The following ADCY3 variants were observed in gnomAD, a reference collection of about 807,000 sequenced individuals.
ADCY3 encodes adenylate cyclase type 3.
Under a neutral mutation model 119.4 loss-of-function variants are expected in ADCY3, and 70 were observed. That is an observed-to-expected ratio of 0.59 (90% CI 0.48 to 0.72). The LOEUF (loss-of-function observed/expected upper bound fraction) is 0.72. Ranked by LOEUF, ADCY3 falls within the 30% of genes least tolerant of loss-of-function variation. ADCY3 has a pLI of 0.00. For synonymous variants in ADCY3, 672 were observed against 621.4 expected, an observed-to-expected ratio of 1.08 and a Z score of -1.21; for missense variants, 1,238 against 1,541.6, an observed-to-expected ratio of 0.80 and a Z score of 3.30.
intron 3 of ADCY3, among the ~76,000 whole-genome samples, chr2:24,846,878 C>T (rs189650886): frequency 4.9e-4 from 75 of 152,222 alleles, no homozygotes; most frequent in African/African-American, 1.7e-3. Context: ...CATGTCTGGC[C>T]GCTTGCTTTT....
chr2:24,827,299 C>T (rs1668758022), intron 15 of ADCY3, among the ~76,000 whole-genome samples: 1 of 152,222 alleles, frequency 6.6e-6, no homozygotes, highest in South Asian at 2.1e-4. Flanking sequence ...CCTCCCTCCT[C>T]ATTTTCCTGC....
At chr2:24,913,644 T>C (rs1409276026) in intron 2 of ADCY3, among the ~76,000 whole-genome samples, 1 of 152,178 alleles carries the variant, frequency 6.6e-6, no homozygotes, top group Non-Finnish European at 1.5e-5. Flanking sequence ...ATGCAACAGC[T>C]ACCTGCCGTC....
At chr2:24,820,506 A>G in intron 21 of ADCY3, 2 of 1,411,338 alleles carry the variant, frequency 1.4e-6, no homozygotes, top group Middle Eastern at 2.5e-4. Flanking sequence ...GGCCATATGC[A>G]TCTAGAACTT....
intron 3 of ADCY3, among the ~76,000 whole-genome samples, chr2:24,849,691 T>C (rs891896205): frequency 2.0e-5 from 3 of 150,720 alleles, no homozygotes; most frequent in African/African-American, 7.3e-5. Flanking sequence ...ACAAGACGAG[T>C]TTTAAACAAG....
At chr2:24,900,529 A>G (rs1213339301) in intron 2 of ADCY3, among the ~76,000 whole-genome samples, 1 of 151,982 alleles carries the variant, frequency 6.6e-6, no homozygotes, top group Non-Finnish European at 1.5e-5. Flanking sequence ...CAGGATGGAC[A>G]AGGTTCTGTG....
In ADCY3 at chr2:24,872,558, C is replaced by T. The variant is rs77987654; in HGVS notation, c.825+12G>A. ...CCCAAGCTCCAGGCCCGAGGCCTCC[C>T]GAGAGCCTCACCTGCTGCTGGCTCT... On this transcript the variant is annotated intron_variant, in intron 3 of 21. Coordinates refer to ENST00000679454, the MANE Select transcript of ADCY3 (RefSeq NM_004036.5). The surrounding 1 kb of genome is among the most constrained non-coding windows in gnomAD (Gnocchi z 4.4). 285 of 1,612,972 alleles carry T rather than the reference C, an allele frequency of 1.8e-4. No individual in the cohort carries two copies. Among genetic ancestry groups the T allele is most frequent in the Non-Finnish European group, 2.2e-4 (258 of 1,179,220 alleles).
At position 24,872,537 on chromosome 2, in the gene ADCY3, A is replaced by G. The variant is rs753175225; in HGVS notation, c.825+33T>C. 1 of 1,606,592 alleles carries G rather than the reference A, an allele frequency of 6.2e-7. No individual in the cohort carries two copies. The highest frequency in any genetic ancestry group is 8.5e-7 in the Non-Finnish European group (1 of 1,175,746). On this transcript the variant is annotated intron_variant, in intron 3 of 21. Coordinates refer to ENST00000679454, the MANE Select transcript of ADCY3 (RefSeq NM_004036.5). This position sits in a 1 kb window ranked among gnomAD's most constrained non-coding sequence, Gnocchi z 4.4. ...GACAAGGCCACAGTCCCTGAGCCCA[A>G]GCTCCAGGCCCGAGGCCTCCCGAGA...
At chr2:24,840,062 G>A in intron 6 of ADCY3, 31 bp from the exon 7 acceptor site, 2 of 1,585,980 alleles carry the variant, frequency 1.3e-6, no homozygotes, top group Non-Finnish European at 1.7e-6. Flanking sequence ...GGAGGGTCAG[G>A]GTGTGGCCTT....
chr2:24,823,253 C>G lies in ADCY3; in HGVS notation c.2839G>C (p.Glu947Gln). 1 of 1,613,566 alleles carries G rather than the reference C, an allele frequency of 6.2e-7. No homozygotes were observed. The highest frequency in any genetic ancestry group is 8.5e-7 in the Non-Finnish European group (1 of 1,179,958). The change falls in exon 18 of 22, where the codon GAG becomes CAG. Residue 947 changes from glutamate (E) to glutamine (Q), a missense_variant. Glu to Gln is a conservative substitution (Grantham distance 29, BLOSUM62 2). Coordinates refer to ENST00000679454, the MANE Select transcript of ADCY3 (RefSeq NM_004036.5). ...TEESINNGGI[E>Q]CLRFLNEIIS... ...ATTTCATTGAGGAAACGCAGACACTCAATACCACCATTGTTGATGCTCTCC... is the reference window on the plus strand; with the variant it reads ...ATTTCATTGAGGAAACGCAGACACTGAATACCACCATTGTTGATGCTCTCC...
intron 9 of ADCY3, among the ~76,000 whole-genome samples, chr2:24,835,610 C>T (rs868199410): frequency 6.6e-6 from 1 of 152,058 alleles, no homozygotes; most frequent in Non-Finnish European, 1.5e-5. Flanking sequence ...GCTGTCTGAA[C>T]GGGTTCAACA....
At chr2:24,824,280 G>T in intron 17 of ADCY3, 98 bp downstream of exon 17, 1 of 1,481,804 alleles carries the variant, frequency 6.7e-7, no homozygotes, top group South Asian at 1.3e-5. Flanking sequence ...CCAGTCCCCT[G>T]TCCCTGAGAA....
chr2:24,905,663 C>T (rs1049369329), intron 2 of ADCY3, among the ~76,000 whole-genome samples: 29 of 152,312 alleles, frequency 1.9e-4, no homozygotes, highest in African/African-American at 6.5e-4. Context: ...GCTGCTCTTC[C>T]CTCCCTTGTG....
At chr2:24,914,836 C>T (rs1424483308) in intron 2 of ADCY3, among the ~76,000 whole-genome samples, 1 of 152,146 alleles carries the variant, frequency 6.6e-6, no homozygotes, top group East Asian at 1.9e-4. Flanking sequence ...TATCCCCTGA[C>T]CTTGCAGGCT....
chr2:24,825,820 A>C (rs1220352952), intron 16 of ADCY3: 2 of 566,394 alleles, frequency 3.5e-6, no homozygotes, highest in Non-Finnish European at 6.3e-6. Context: ...TGCTTCCTTC[A>C]CCATCCTGGA....
intron 2 of ADCY3, among the ~76,000 whole-genome samples, chr2:24,911,189 A>C (rs76477706): frequency 0.028 from 4,216 of 150,376 alleles, 427 homozygotes; most frequent in Admixed American, 0.2. Context: ...AACTATCTCA[A>C]CAGGCTCCGA....
rs1035182606 is a variant in ADCY3, at chr2:24,834,431, C to G, written c.1967+54G>C. 4.4e-6 allele frequency: 5 copies of G among 1,143,350 alleles called. No individual in the cohort carries two copies. The highest frequency in any genetic ancestry group is 5.0e-6 in the Non-Finnish European group (4 of 806,796). 70.8% of individuals were successfully genotyped at this position (1,143,350 alleles called of 1,614,324 possible). ...CTGAGACACCTGCCCCCGCCCCCCG[C>G]CCGGCACCACCGCAGCCGAGGAAAC... On this transcript the variant is annotated intron_variant, in intron 11 of 21. Coordinates refer to ENST00000679454, the MANE Select transcript of ADCY3 (RefSeq NM_004036.5). This position sits in a 1 kb window ranked among gnomAD's most constrained non-coding sequence, Gnocchi z 4.2.
At position 24,865,032 on chromosome 2, in the gene ADCY3, A is replaced by C. The variant is rs979817778; in HGVS notation, c.825+7538T>G. On this transcript the variant is annotated intron_variant, in intron 3 of 21. Coordinates refer to ENST00000679454, the MANE Select transcript of ADCY3 (RefSeq NM_004036.5). ...TTATTACAGCAATGTTTACAGTAGCAAAAGATTGGAAATAACCTAGAAATC... is the reference window on the plus strand; with the variant it reads ...TTATTACAGCAATGTTTACAGTAGCCAAAGATTGGAAATAACCTAGAAATC... Among the ~76,000 whole-genome samples the C allele has an allele frequency of 1.4e-4, 21 of 152,348 alleles. No individual in the cohort carries two copies. In the South Asian group the frequency reaches 2.7e-3, roughly 20 times the overall value.
intron 2 of ADCY3, chr2:24,877,801 A>G: frequency 2.2e-6 from 1 of 450,044 alleles, no homozygotes; most frequent in Non-Finnish European, 4.6e-6. Context: ...CAGAGAGGGA[A>G]GAGGCTCCTT....
At position 24,918,435 on chromosome 2, in the gene ADCY3, G is replaced by A; in HGVS notation, c.553C>T (p.Leu185Phe). The change falls in exon 2 of 22, where the codon CTC becomes TTC. Residue 185 changes from leucine (L) to phenylalanine (F), a missense_variant. By Grantham distance (22) the Leu-to-Phe change is conservative. Coordinates refer to ENST00000679454, the MANE Select transcript of ADCY3 (RefSeq NM_004036.5). This position sits in a 1 kb window ranked among gnomAD's most constrained non-coding sequence, Gnocchi z 5.4. ...ATGATCACGATGGGGCTGAGGCTGA[G>A]GGGCAGCGTGATGAAGAAGGAGAAG... Reference protein sequence around the residue: ...FVFSFFITLPLSLSPIVIISV... With the variant: ...FVFSFFITLPFSLSPIVIISV... The A allele has an allele frequency of 6.2e-7, 1 of 1,614,026 alleles. No individual in the cohort carries two copies. Among genetic ancestry groups the A allele is most frequent in the Non-Finnish European group, 8.5e-7 (1 of 1,180,036 alleles).
Sources: gnomAD v4.1 joint callset for allele counts (sites outside exome capture counted in the v4.1 genomes callset) on GRCh38, gnomAD v4.1.1 for gene constraint, Gnocchi (gnomAD v3.1) non-coding constraint, MANE v1.5 for transcripts, NCBI Gene and HGNC (gene_info 2026-07-23, HGNC 2026-07-21) for gene names.